TMLHE: variants seen among roughly 807,000 people sequenced by gnomAD.
The protein encoded by TMLHE is trimethyllysine dioxygenase, mitochondrial.
TMLHE carries 18 observed loss-of-function variants against 25.7 expected under a neutral mutation model. That is an observed-to-expected ratio of 0.70 (90% CI 0.48 to 1.04). The LOEUF (loss-of-function observed/expected upper bound fraction) is 1.04, where lower values mean the gene tolerates loss of function less well. TMLHE is among the 50% of genes least tolerant of loss of function. The pLI is 0.00. For missense variants in TMLHE, 236 were observed against 259.0 expected (o/e 0.91, Z 0.61); for synonymous variants, 105 against 97.0 (o/e 1.08, Z -0.49).
Position 155,506,930 on chromosome X carries a change from G to A in TMLHE, c.963C>T (p.Ile321=), listed in dbSNP as rs782643746. 2.0e-4 allele frequency: 241 copies of A among 1,207,353 alleles called. 3 individuals are homozygous for A. In the South Asian group the frequency reaches 4.1e-3, roughly 20 times the overall value. ...HMIGIGPVLN[I]YPWNKELYLI... ...AATACAGCTCTTTATTCCATGGGTA[G>A]ATATTTAAGACTGGCCCAATCCCAA... is the stretch of plus-strand genomic sequence containing the variant. The change falls in exon 6 of 8, where the codon ATC becomes ATT. Residue 321 remains isoleucine (I), a synonymous_variant. Transcript: ENST00000334398.
At chrX:155,531,352 A>T in intron 2 of TMLHE, among the ~76,000 whole-genome samples, 1 of 111,645 alleles carries the variant, frequency 9.0e-6, no homozygotes, top group Non-Finnish European at 1.9e-5. Context: ...TGAGGGCCTC[A>T]GGAAGCTTAT....
At chrX:155,548,260 T>A (rs2067369090) in intron 1 of TMLHE, among the ~76,000 whole-genome samples, 1 of 111,207 alleles carries the variant, frequency 9.0e-6, no homozygotes, top group South Asian at 3.8e-4. Flanking sequence ...CACATCAAAT[T>A]AAAAAGCTAC....
rs149156967 is a variant in TMLHE, at chrX:155,588,419, T to C, written c.-2+24373A>G. 2.0e-3 allele frequency among the ~76,000 whole-genome samples: 221 copies of C among 111,523 alleles called. 1 individual carries two copies. Among genetic ancestry groups the C allele is most frequent in the African/African-American group, 6.7e-3 (206 of 30,719 alleles). ...AGTAGAACAAAACACAGAGAAAACA[T>C]TGGTCTAGGTAAAGATTTCATGGCT... On this transcript the variant is annotated intron_variant, in intron 1 of 7. Coordinates refer to ENST00000334398, the MANE Select transcript of TMLHE (RefSeq NM_018196.4).
At chrX:155,509,568 GCTT>G (rs1484272199) in intron 5 of TMLHE, among the ~76,000 whole-genome samples, 3 of 111,710 alleles carry the variant, frequency 2.7e-5, no homozygotes, top group Admixed American at 9.5e-5. Context: ...CTGTACAGCT[GCTT>G]CTTATCTCAT....
At chrX:155,587,422 A>G (rs1196425822) in intron 1 of TMLHE, among the ~76,000 whole-genome samples, 1 of 111,966 alleles carries the variant, frequency 8.9e-6, no homozygotes, top group African/African-American at 3.2e-5. Flanking sequence ...CAAATGGAAA[A>G]AAGCTAAAAG....
chrX:155,514,317 A>G, intron 3 of TMLHE, 52 bp from the exon 4 acceptor site: 1 of 1,119,308 alleles, frequency 8.9e-7, no homozygotes, highest in Non-Finnish European at 1.2e-6. Flanking sequence ...TAATGTCAAT[A>G]TTTGTAATTG....
At chrX:155,558,893 A>T (rs782072511) in intron 1 of TMLHE, among the ~76,000 whole-genome samples, 26 of 111,969 alleles carry the variant, frequency 2.3e-4, no homozygotes, top group Admixed American at 3.8e-4. Context: ...ATTTCCATAA[A>T]CTACCTCTAA....
intron 1 of TMLHE, among the ~76,000 whole-genome samples, chrX:155,547,233 C>T (rs1439118194): frequency 1.1e-5 from 1 of 92,696 alleles, no homozygotes; most frequent in Non-Finnish European, 2.2e-5. Flanking sequence ...CAAGCTCCGC[C>T]TCCCGGGTTC....
chrX:155,535,368 C>T (rs1343518769), intron 2 of TMLHE, among the ~76,000 whole-genome samples: 1 of 112,068 alleles, frequency 8.9e-6, no homozygotes, highest in Non-Finnish European at 1.9e-5. Flanking sequence ...CCATTTGATT[C>T]CTGGTGAGGA....
intron 6 of TMLHE, among the ~76,000 whole-genome samples, chrX:155,504,833 A>C (rs999387417): frequency 1.8e-5 from 2 of 111,651 alleles, no homozygotes; most frequent in Non-Finnish European, 3.8e-5. Context: ...GCAAAAATCT[A>C]ATCTATAGTG....
intron 1 of TMLHE, among the ~76,000 whole-genome samples, chrX:155,595,147 C>T (rs912759087): frequency 1.8e-5 from 2 of 111,473 alleles, no homozygotes; most frequent in Non-Finnish European, 3.8e-5. Context: ...ATGCCATTCA[C>T]GGTCAAGATA....
In TMLHE at chrX:155,491,589, A is replaced by G. The variant is rs2075359841; in HGVS notation, c.1212T>C (p.Tyr404=). 2 of 383,977 alleles carry G rather than the reference A, an allele frequency of 5.2e-6. No individual in the cohort carries two copies. The highest frequency in any genetic ancestry group is 8.5e-6 in the Non-Finnish European group (2 of 234,330). 31.6% of individuals were successfully genotyped at this position (383,977 alleles called of 1,213,427 possible). The stretch of plus-strand genomic sequence containing the variant: ...TGTTTAATACATCATCTCTTGTTAA[A>G]TAGCAGCCACACAGTTGGCGGTAGC... ...FTGYRQLCGC[Y]LTRDDVLNTA... is the part of the protein sequence containing the mutation. Residue 404 remains tyrosine, a synonymous_variant, in exon 8 of 8, where the codon TAT becomes TAC. Coordinates refer to ENST00000334398, the MANE Select transcript of TMLHE (RefSeq NM_018196.4).
At chrX:155,602,353 AAC>A (rs1414076532) in intron 1 of TMLHE, among the ~76,000 whole-genome samples, 1 of 111,169 alleles carries the variant, frequency 9.0e-6, no homozygotes, top group Non-Finnish European at 1.9e-5. Flanking sequence ...GACAAAATCT[AAC>A]AGTCATTCAT....
chrX:155,601,278 G>C (rs1440664502), intron 1 of TMLHE, among the ~76,000 whole-genome samples: 1 of 111,894 alleles, frequency 8.9e-6, no homozygotes, highest in Non-Finnish European at 1.9e-5. Context: ...ATTAGTAAAG[G>C]TAATTATGTA....
At chrX:155,567,803 A>G (rs2067516545) in intron 1 of TMLHE, among the ~76,000 whole-genome samples, 1 of 61,872 alleles carries the variant, frequency 1.6e-5, no homozygotes, top group Non-Finnish European at 4.5e-5. Context: ...GGGTGCTGCC[A>G]TCATTTGTAG....
chrX:155,550,186 G>A (rs183904013), intron 1 of TMLHE, among the ~76,000 whole-genome samples: 13 of 110,694 alleles, frequency 1.2e-4, no homozygotes, highest in Admixed American at 5.7e-4. Context: ...GTCAACATAC[G>A]TGTGCATGTG....
intron 1 of TMLHE, among the ~76,000 whole-genome samples, chrX:155,581,765 T>C (rs1187689023): frequency 8.9e-6 from 1 of 112,050 alleles, no homozygotes; most frequent in East Asian, 2.8e-4. Context: ...AATTTATAGA[T>C]TCAATGCCAT....
At position 155,524,473 on chromosome X, in the gene TMLHE, GTCTC is replaced by G; in HGVS notation, c.337_340del (p.Glu113ProfsTer12). On this transcript the variant is annotated frameshift_variant, in exon 3 of 8. Transcript: ENST00000334398. LOFTEE classifies it high-confidence loss of function. Reference sequence around the variant, plus strand: ...CCACTCACAAGTGAAAAAGAGTGTGGTCTCATCCAGACGAATGGTCTTTGGCTTG... The same window carrying G: ...CCACTCACAAGTGAAAAAGAGTGTGGATCCAGACGAATGGTCTTTGGCTTG... 1.7e-6 allele frequency: 2 copies of G among 1,193,918 alleles called. No individual in the cohort carries two copies. The highest frequency in any genetic ancestry group is 2.3e-6 in the Non-Finnish European group (2 of 886,380).
chrX:155,513,432 G>A (rs2067131067), intron 4 of TMLHE, among the ~76,000 whole-genome samples: 1 of 111,257 alleles, frequency 9.0e-6, no homozygotes, highest in South Asian at 3.8e-4. Context: ...AACACACACT[G>A]ATCAGGGTTC....
Sources: gnomAD v4.1 joint callset for allele counts (sites outside exome capture counted in the v4.1 genomes callset) on GRCh38, gnomAD v4.1.1 for gene constraint, MANE v1.5 for transcripts, NCBI Gene and HGNC (gene_info 2026-07-23, HGNC 2026-07-21) for gene names.